Variants in LAMA3 observed in about 807,000 individuals in gnomAD.
LAMA3 encodes laminin subunit alpha 3, also known as laminin subunit alpha-3.
Under a neutral mutation model 402.0 loss-of-function variants are expected in LAMA3, and 281 were observed. That is an observed-to-expected ratio of 0.70 (90% CI 0.63 to 0.77). The LOEUF (loss-of-function observed/expected upper bound fraction) is 0.77. LAMA3 is among the 30% of genes least tolerant of loss of function. The pLI, the probability that LAMA3 is intolerant of heterozygous loss-of-function variation, is 0.00. For synonymous variants in LAMA3, 1,431 were observed against 1,558.4 expected (o/e 0.92, Z 1.93); for missense variants, 3,840 against 4,215.5 (o/e 0.91, Z 2.47).
intron 2 of LAMA3, among the ~76,000 whole-genome samples, chr18:23,715,637 C>T (rs1568107040): frequency 6.6e-6 from 1 of 152,122 alleles, no homozygotes; most frequent in Non-Finnish European, 1.5e-5. Context: ...TGCTTGTGTG[C>T]TTGTGTGCAG....
At chr18:23,944,453 C>A (rs2082636029) in intron 69 of LAMA3, among the ~76,000 whole-genome samples, 2 of 152,236 alleles carry the variant, frequency 1.3e-5, no homozygotes, top group African/African-American at 4.8e-5. Context: ...AGTGACTTGA[C>A]AAGTTGCATT....
At chr18:23,941,292 G>C (rs2082501652) in intron 68 of LAMA3, among the ~76,000 whole-genome samples, 1 of 139,948 alleles carries the variant, frequency 7.1e-6, no homozygotes, top group Non-Finnish European at 1.6e-5. Context: ...TCCCGCCTCT[G>C]GCCTCCCCCT....
rs200366131 is a variant in LAMA3, at chr18:23,903,140, T to C, written c.6318+15T>C. 24 of 1,468,166 alleles carry C rather than the reference T, an allele frequency of 1.6e-5. No individual in the cohort carries two copies. The East Asian group carries it at 5.4e-4, about 33-fold the overall frequency. The allele number at this position is 1,468,166 out of a possible 1,614,324, so 90.9% of individuals were successfully genotyped here. ...AAAGCCAGAAGGTAGAGGAAATAGT[T>C]GTTCTCTAGAAAAATCTAAAAACAT... On this transcript the variant is annotated intron_variant, in intron 49 of 74. Transcript: ENST00000313654.
intron 10 of LAMA3, 93 bp from the exon 11 acceptor site, chr18:23,777,464 A>G (rs993411601): frequency 3.5e-6 from 3 of 861,852 alleles, no homozygotes; most frequent in South Asian, 1.4e-5. Flanking sequence ...TCACTAAGTG[A>G]CAGAGGGTGT....
intron 42 of LAMA3, among the ~76,000 whole-genome samples, chr18:23,893,960 G>T (rs957476840): frequency 6.6e-6 from 1 of 152,182 alleles, no homozygotes; most frequent in Non-Finnish European, 1.5e-5. Context: ...GCCCTTTATA[G>T]AGTTGACCTT....
chr18:23,712,586 A>G (rs2061014809), intron 1 of LAMA3, among the ~76,000 whole-genome samples: 1 of 150,286 alleles, frequency 6.7e-6, no homozygotes, highest in African/African-American at 2.5e-5. Flanking sequence ...GGGGCCACAT[A>G]CACCCAAGGC....
chr18:23,797,190 T>C (rs2062780117), intron 12 of LAMA3, among the ~76,000 whole-genome samples: 1 of 152,218 alleles, frequency 6.6e-6, no homozygotes, highest in African/African-American at 2.4e-5. Context: ...GTTTGAACCA[T>C]TCTGGTAAGA....
At chr18:23,706,494 C>T (rs984945425) in intron 1 of LAMA3, among the ~76,000 whole-genome samples, 10 of 152,064 alleles carry the variant, frequency 6.6e-5, no homozygotes, top group African/African-American at 2.2e-4. Flanking sequence ...CTACTGAATA[C>T]GTATAAAATA....
intron 44 of LAMA3, 81 bp downstream of exon 44, chr18:23,895,139 G>A (rs1024203709): frequency 6.8e-7 from 1 of 1,479,376 alleles, no homozygotes; most frequent in African/African-American, 1.4e-5. Flanking sequence ...GAAGGGAAAG[G>A]TTGACTCCTG....
intron 35 of LAMA3, 152 bp from the exon 36 acceptor site, chr18:23,864,633 A>G: frequency 1.5e-6 from 1 of 668,018 alleles, no homozygotes; most frequent in South Asian, 1.6e-5. Context: ...AAAAAATACC[A>G]TCCTCAACCC....
chr18:23,766,762 C>T (rs530937251), intron 8 of LAMA3, among the ~76,000 whole-genome samples: 13 of 152,052 alleles, frequency 8.5e-5, no homozygotes, highest in Middle Eastern at 3.4e-3. Context: ...TCACTTGAAC[C>T]CAGGAGGCAG....
intron 17 of LAMA3, 82 bp downstream of exon 17, chr18:23,815,655 C>T (rs2063161841): frequency 1.0e-6 from 1 of 957,556 alleles, no homozygotes; most frequent in Admixed American, 1.8e-5. Flanking sequence ...CTGAGTTTGT[C>T]ATCTTCACGC....
chr18:23,709,261 C>T (rs1281761555), intron 1 of LAMA3, among the ~76,000 whole-genome samples: 8 of 151,512 alleles, frequency 5.3e-5, no homozygotes, highest in East Asian at 2.0e-4. Flanking sequence ...TTAGTAGAGA[C>T]GGGGTTTCTC....
chr18:23,824,502 A>G lies in LAMA3; in HGVS notation c.2508A>G (p.Ala836=), dbSNP rs1296799974. ...AFVTVPGNGF[A]DPFSITPGIW... ...TCACTGTCCCTGGAAATGGTTTTGC[A>G]GACCCATTTTCAATCACACCAGGAA... The change falls in exon 21 of 75, where the codon GCA becomes GCG. Residue 836 remains alanine, a synonymous_variant. Coordinates refer to ENST00000313654, the MANE Select transcript of LAMA3 (RefSeq NM_198129.4). The G allele has an allele frequency of 1.2e-6, 2 of 1,614,172 alleles. No individual in the cohort carries two copies. Among genetic ancestry groups the G allele is most frequent in the Non-Finnish European group, 1.7e-6 (2 of 1,180,000 alleles).
chr18:23,803,764 G>A (rs2062909916), intron 12 of LAMA3, among the ~76,000 whole-genome samples: 1 of 152,200 alleles, frequency 6.6e-6, no homozygotes, highest in Non-Finnish European at 1.5e-5. Context: ...AGGCACAAAT[G>A]TGCTGCAGCT....
chr18:23,797,256 T>A (rs767453675), intron 12 of LAMA3, among the ~76,000 whole-genome samples: 3 of 152,122 alleles, frequency 2.0e-5, no homozygotes, highest in Non-Finnish European at 4.4e-5. Context: ...TGTAACTACC[T>A]TTTTTTCTGA....
At chr18:23,730,336 A>C (rs1403483304) in intron 2 of LAMA3, among the ~76,000 whole-genome samples, 1 of 144,722 alleles carries the variant, frequency 6.9e-6, no homozygotes. Context: ...ACTGCCCTCA[A>C]TCTCCTCCCC....
At chr18:23,690,085 G>C (rs556721212) in intron 1 of LAMA3, 108 bp downstream of exon 1, 1 of 912,830 alleles carries the variant, frequency 1.1e-6, no homozygotes, top group Non-Finnish European at 1.5e-6. Flanking sequence ...AGTGGCTCCG[G>C]GCGACTGGGA....
chr18:23,891,818 A>G (rs1325072640), intron 42 of LAMA3, among the ~76,000 whole-genome samples: 3 of 152,196 alleles, frequency 2.0e-5, no homozygotes, highest in African/African-American at 7.2e-5. Context: ...ACTGAGTTCC[A>G]TTGTCTAAAG....
Sources: gnomAD v4.1 joint callset for allele counts (sites outside exome capture counted in the v4.1 genomes callset) on GRCh38, gnomAD v4.1.1 for gene constraint, MANE v1.5 for transcripts, NCBI Gene and HGNC (gene_info 2026-07-23, HGNC 2026-07-21) for gene names.